PITRM1: variants seen among roughly 807,000 people sequenced by gnomAD.
The protein encoded by PITRM1 is presequence protease, mitochondrial.
In PITRM1, 100 loss-of-function variants were observed where a neutral mutation model predicts 129.9. The ratio of observed to expected loss-of-function variants is 0.77; its 90% CI spans 0.65 to 0.91. The LOEUF is 0.91. Ranked by LOEUF, PITRM1 falls within the 40% of genes least tolerant of loss-of-function variation. The pLI is 0.00. For missense variants in PITRM1, 1,471 were observed against 1,318.3 expected, an observed-to-expected ratio of 1.12 and a Z score of -1.79; for synonymous variants, 591 against 508.8, an observed-to-expected ratio of 1.16 and a Z score of -2.17.
At chr10:3,151,109 C>A (rs764100040) in intron 15 of PITRM1, 138 bp downstream of exon 15, 2 of 663,074 alleles carry the variant, frequency 3.0e-6, no homozygotes, top group African/African-American at 1.8e-5. Flanking sequence ...TCGTGTAGAG[C>A]GAGACTATGA....
chr10:3,143,152 T>C (rs1024356012), intron 23 of PITRM1: 23 of 544,096 alleles, frequency 4.2e-5, no homozygotes, highest in African/African-American at 3.8e-5. Context: ...GTATTGTTCA[T>C]AGGACTCCTC....
chr10:3,142,894 C>G (rs958688344), intron 23 of PITRM1: 3 of 158,474 alleles, frequency 1.9e-5, no homozygotes, highest in African/African-American at 7.2e-5. Context: ...CACCCCCCAC[C>G]CACCCAGAGT....
intron 22 of PITRM1, chr10:3,143,757 C>A (rs1007316274): frequency 1.5e-6 from 1 of 684,636 alleles, no homozygotes; most frequent in Admixed American, 2.0e-5. Flanking sequence ...CCAATCTTGA[C>A]GTGATGCCTT....
chr10:3,155,866 G>C (rs898680538), intron 13 of PITRM1, 137 bp from the exon 14 acceptor site: 1 of 958,974 alleles, frequency 1.0e-6, no homozygotes, highest in Non-Finnish European at 1.5e-6. Flanking sequence ...ATAATAGAAC[G>C]CACCTCAAGA....
intron 15 of PITRM1, among the ~76,000 whole-genome samples, chr10:3,150,790 G>A (rs995690352): frequency 9.9e-5 from 15 of 152,152 alleles, no homozygotes; most frequent in African/African-American, 3.4e-4. Flanking sequence ...GAAATGCCAG[G>A]ACACGGCAGG....
intron 19 of PITRM1, 101 bp from the exon 20 acceptor site, chr10:3,147,351 G>C (rs923969348): frequency 9.7e-7 from 1 of 1,025,998 alleles, no homozygotes; most frequent in Admixed American, 1.9e-5. Flanking sequence ...TTGGGCAGGG[G>C]TTATGTGTGC....
intron 1 of PITRM1, among the ~76,000 whole-genome samples, chr10:3,170,823 T>C (rs113999704): frequency 0.028 from 4,228 of 151,922 alleles, 129 homozygotes; most frequent in African/African-American, 0.071. Context: ...ATTAGCCTGA[T>C]GTGGTGGCAG....
chr10:3,161,315 C>A (rs182424187), intron 7 of PITRM1, among the ~76,000 whole-genome samples: 1 of 152,220 alleles, frequency 6.6e-6, no homozygotes, highest in Non-Finnish European at 1.5e-5. Flanking sequence ...TTTCACAAAA[C>A]TCAATTTTTG....
chr10:3,148,123 T>C, intron 17 of PITRM1, 48 bp downstream of exon 17: 4 of 1,613,784 alleles, frequency 2.5e-6, no homozygotes, highest in Non-Finnish European at 1.7e-6. Flanking sequence ...TGACAGACAC[T>C]GGAGAAAAGC....
At chr10:3,146,897 G>T in intron 20 of PITRM1, 2 of 275,520 alleles carry the variant, frequency 7.3e-6, no homozygotes, top group Non-Finnish European at 1.4e-5. Flanking sequence ...TGTGCTTTTG[G>T]AAGCAATATA....
chr10:3,159,742 C>A, intron 9 of PITRM1, 106 bp downstream of exon 9: 1 of 660,152 alleles, frequency 1.5e-6, no homozygotes, highest in South Asian at 2.0e-5. Context: ...TGAATCCTAA[C>A]CGTATATTAA....
rs192422075 is a variant in PITRM1, at chr10:3,155,056, G to A, written c.1621+535C>T. Among the ~76,000 whole-genome samples the A allele has an allele frequency of 5.6e-3, 851 of 152,260 alleles. 5 individuals are homozygous for A. The highest frequency in any genetic ancestry group is 0.02 in the African/African-American group (821 of 41,538). On this transcript the variant is annotated intron_variant, in intron 14 of 26. Transcript: ENST00000224949. ...CTGCCTTAATACATGAAGCACCCGT[G>A]TGCTCCCCATCTTCCATACAGGCCC...
Position 3,149,696 on chromosome 10 carries a change from C to T in PITRM1, c.1796G>A (p.Arg599Gln), listed in dbSNP as rs764959888. ...AQPTNGMVYF[R>Q]AFSSLNTLPE... ...GAGTGTGTTCAGGCTGGAGAAGGCC[C>T]GGAAATACACCATGCCATTGGTGGG... Residue 599 changes from arginine to glutamine, a missense_variant, in exon 16 of 27, where the codon CGG becomes CAG. Coordinates refer to ENST00000224949, the MANE Select transcript of PITRM1 (RefSeq NM_014889.4). 1.4e-5 allele frequency: 23 copies of T among 1,611,250 alleles called. No homozygotes were observed. Among genetic ancestry groups the T allele is most frequent in the Middle Eastern group, 1.7e-4 (1 of 6,006 alleles).
rs1588612002 is a variant in PITRM1, at chr10:3,137,911, G to A, written c.*120C>T. On this transcript the variant is annotated 3_prime_UTR_variant, in exon 27 of 27. Transcript: ENST00000224949. ...CTGAGTTTTTGACTCGCCAGTCAAG[G>A]GCTTTGGCGACACTCAATGACATAA... is the stretch of plus-strand genomic sequence containing the variant. The A allele has an allele frequency of 1.5e-6, 1 of 646,462 alleles. No homozygotes were observed. The highest frequency in any genetic ancestry group is 2.7e-6 in the Non-Finnish European group (1 of 368,688). 40.0% of individuals were successfully genotyped at this position (646,462 alleles called of 1,614,324 possible).
chr10:3,160,391 T>G, intron 7 of PITRM1, 61 bp from the exon 8 acceptor site: 1 of 1,389,274 alleles, frequency 7.2e-7, no homozygotes, highest in Non-Finnish European at 1.0e-6. Flanking sequence ...GATCAAGTGC[T>G]GTCTGTTTCA....
chr10:3,161,655 C>T (rs1192815114), intron 7 of PITRM1, among the ~76,000 whole-genome samples: 9 of 119,212 alleles, frequency 7.5e-5, no homozygotes, highest in Non-Finnish European at 1.0e-4. Flanking sequence ...AGGGAGGGCC[C>T]GGCTGTGCGT....
chr10:3,149,673 G>C lies in PITRM1; in HGVS notation c.1819C>G (p.Leu607Val). The part of the protein sequence containing the change: ...YFRAFSSLNT[L>V]PEELRPYVPL... The stretch of plus-strand genomic sequence containing the variant: ...ACATAGGGCCTCAGCTCCTCGGGGA[G>C]TGTGTTCAGGCTGGAGAAGGCCCGG... Residue 607 changes from leucine (L) to valine (V), a missense_variant, in exon 16 of 27, where the codon CTC becomes GTC. Coordinates refer to ENST00000224949, the MANE Select transcript of PITRM1 (RefSeq NM_014889.4). The C allele has an allele frequency of 6.2e-7, 1 of 1,606,372 alleles. No homozygotes were observed.
At chr10:3,155,470 T>C (rs899992546) in intron 14 of PITRM1, 121 bp downstream of exon 14, 2 of 1,239,100 alleles carry the variant, frequency 1.6e-6, no homozygotes, top group African/African-American at 1.5e-5. Flanking sequence ...TGAGCTCTGT[T>C]GGCGCCCAGC....
intron 20 of PITRM1, chr10:3,145,971 G>T: frequency 4.4e-6 from 2 of 455,512 alleles, no homozygotes; most frequent in Non-Finnish European, 7.9e-6. Flanking sequence ...CTAAACTCTA[G>T]TTCTTCTGAA....
Sources: allele counts gnomAD v4.1 joint callset (sites outside exome capture counted in the v4.1 genomes callset), GRCh38; gene constraint gnomAD v4.1.1; transcripts MANE v1.5; gene names NCBI Gene and HGNC (gene_info 2026-07-23, HGNC 2026-07-21).